The following TBCA variants were observed in gnomAD, a reference collection of about 807,000 sequenced individuals.
TBCA encodes the protein tubulin folding cofactor A.
A neutral mutation model predicts 15.8 loss-of-function variants in TBCA; 6 were observed. The observed-to-expected ratio is 0.38, with a 90% CI of 0.21 to 0.75. The LOEUF is 0.75. Among genes scored for constraint, TBCA ranks in the 30% least tolerant of loss-of-function variants. TBCA has a pLI of 0.46. For synonymous variants in TBCA, 32 were observed against 42.3 expected, an observed-to-expected ratio of 0.76 and a Z score of 0.94; for missense variants, 90 against 131.2, an observed-to-expected ratio of 0.69 and a Z score of 1.53.
At chr5:77,744,531 CTTTTTTTT>C (rs70991305) in intron 1 of TBCA, among the ~76,000 whole-genome samples, 1 of 82,968 alleles carries the variant, frequency 1.2e-5, no homozygotes, top group African/African-American at 5.1e-5. Flanking sequence ...TCTTATTCAC[CTTTTTTTT>C]TTTTTTTTTT....
At chr5:77,724,640 T>C (rs1384359929) in intron 1 of TBCA, among the ~76,000 whole-genome samples, 1 of 152,130 alleles carries the variant, frequency 6.6e-6, no homozygotes, top group South Asian at 2.1e-4. Context: ...TCATACCAGT[T>C]CCCTTAACTC....
At chr5:77,744,695 A>C (rs1747140404) in intron 1 of TBCA, among the ~76,000 whole-genome samples, 2 of 151,524 alleles carry the variant, frequency 1.3e-5, no homozygotes, top group Admixed American at 1.3e-4. Context: ...ACCACTATGC[A>C]CGGCTAATTT....
intron 1 of TBCA, among the ~76,000 whole-genome samples, chr5:77,745,535 A>AT (rs1030207604): frequency 3.0e-4 from 45 of 152,212 alleles, no homozygotes; most frequent in African/African-American, 1.1e-3. Flanking sequence ...TTAAACCTGA[A>AT]TATCTGATAT....
At chr5:77,697,309 G>A (rs1489081852) in intron 2 of TBCA, among the ~76,000 whole-genome samples, 1 of 152,162 alleles carries the variant, frequency 6.6e-6, no homozygotes, top group African/African-American at 2.4e-5. Flanking sequence ...TAAGTAAGGA[G>A]AATACAAATA....
At chr5:77,720,904 G>T (rs993843301) in intron 1 of TBCA, among the ~76,000 whole-genome samples, 1 of 152,086 alleles carries the variant, frequency 6.6e-6, no homozygotes, top group Non-Finnish European at 1.5e-5. Context: ...ATCTGAAAGA[G>T]GATGCTGGCA....
At chr5:77,761,785 T>G (rs1161856845) in intron 1 of TBCA, among the ~76,000 whole-genome samples, 2 of 152,032 alleles carry the variant, frequency 1.3e-5, no homozygotes, top group Non-Finnish European at 2.9e-5. Flanking sequence ...GATGTTTCCA[T>G]CAAGGACTTT....
intron 1 of TBCA, among the ~76,000 whole-genome samples, chr5:77,768,804 G>A (rs939464254): frequency 6.6e-6 from 1 of 152,108 alleles, no homozygotes; most frequent in African/African-American, 2.4e-5. Flanking sequence ...TTTTATAAAG[G>A]TATTACTGGA....
intron 2 of TBCA, among the ~76,000 whole-genome samples, chr5:77,698,451 T>C (rs942058983): frequency 6.6e-6 from 1 of 152,244 alleles, no homozygotes; most frequent in Non-Finnish European, 1.5e-5. Flanking sequence ...GAAGTTGTAA[T>C]TTATTTGTTG....
intron 1 of TBCA, among the ~76,000 whole-genome samples, chr5:77,769,174 T>C (rs1747847953): frequency 6.6e-6 from 1 of 152,160 alleles, no homozygotes; most frequent in African/African-American, 2.4e-5. Context: ...CCACCTGCAA[T>C]CCATTTTGAC....
intron 1 of TBCA, among the ~76,000 whole-genome samples, chr5:77,711,686 T>C (rs766505374): frequency 3.9e-5 from 6 of 152,194 alleles, no homozygotes; most frequent in East Asian, 1.9e-4. Context: ...TGAAGAAGTA[T>C]ACAACAGAAG....
In TBCA at chr5:77,726,235, A is replaced by G. The variant is rs910254555; in HGVS notation, c.54-17888T>C. ...CAAAGAAGAGAAAGGAAGCAGTGGC[A>G]ATGCTTCATTTTACTTTACACTGTG... On this transcript the variant is annotated intron_variant, in intron 1 of 3. Coordinates refer to ENST00000380377, the MANE Select transcript of TBCA (RefSeq NM_004607.3). Among the ~76,000 whole-genome samples the G allele has an allele frequency of 2.0e-5, 3 of 152,350 alleles. No homozygotes were observed. The South Asian group carries it at 6.2e-4, about 32-fold the overall frequency.
chr5:77,768,595 T>A (rs563044062), intron 1 of TBCA, among the ~76,000 whole-genome samples: 2 of 152,312 alleles, frequency 1.3e-5, no homozygotes, highest in South Asian at 2.1e-4. Flanking sequence ...AAGATTTCAT[T>A]CCTTCATCTG....
At chr5:77,773,553 C>T (rs1490722492) in intron 1 of TBCA, among the ~76,000 whole-genome samples, 1 of 152,024 alleles carries the variant, frequency 6.6e-6, no homozygotes, top group African/African-American at 2.4e-5. Flanking sequence ...TAATATATTC[C>T]ACAACATAGA....
At chr5:77,714,561 CTATTAT>C (rs141992862) in intron 1 of TBCA, among the ~76,000 whole-genome samples, 25 of 126,522 alleles carry the variant, frequency 2.0e-4, no homozygotes, top group Non-Finnish European at 3.7e-4. Context: ...ACAATTATTA[CTATTAT>C]TATTATTATT....
intron 1 of TBCA, among the ~76,000 whole-genome samples, chr5:77,754,545 A>C (rs1293639030): frequency 6.6e-6 from 1 of 152,224 alleles, no homozygotes; most frequent in Non-Finnish European, 1.5e-5. Context: ...ATTTATGAAA[A>C]CTGTGACAGT....
chr5:77,773,245 G>A (rs954087278), intron 1 of TBCA, among the ~76,000 whole-genome samples: 5 of 152,174 alleles, frequency 3.3e-5, no homozygotes, highest in Admixed American at 6.5e-5. Context: ...TACTCTTTAC[G>A]GGAGCACTGT....
Position 77,746,263 on chromosome 5 carries a change from T to C in TBCA, c.53+29942A>G, listed in dbSNP as rs147715411. On this transcript the variant is annotated intron_variant, in intron 1 of 3. Transcript: ENST00000380377. ...GGGCAACATATTGAGGCCCCGTCTC[T>C]ATGAAAAAAATAAATAAAAATAAAT... 2.4e-4 allele frequency among the ~76,000 whole-genome samples: 36 copies of C among 152,190 alleles called. No homozygotes were observed. The East Asian group carries it at 2.7e-3, about 11-fold the overall frequency.
intron 1 of TBCA, among the ~76,000 whole-genome samples, chr5:77,774,391 A>G (rs1010826442): frequency 7.2e-5 from 11 of 152,168 alleles, no homozygotes; most frequent in Non-Finnish European, 1.6e-4. Context: ...GACCTTTTTA[A>G]GTCTGATAAG....
intron 1 of TBCA, among the ~76,000 whole-genome samples, chr5:77,768,353 G>A (rs1027848242): frequency 1.4e-4 from 21 of 152,198 alleles, no homozygotes; most frequent in African/African-American, 5.1e-4. Flanking sequence ...CCATGTTCCG[G>A]CTAAGAAAAC....
Sources: allele counts gnomAD v4.1 joint callset (sites outside exome capture counted in the v4.1 genomes callset), GRCh38; gene constraint gnomAD v4.1.1; transcripts MANE v1.5; gene names NCBI Gene and HGNC (gene_info 2026-07-23, HGNC 2026-07-21).